Variants in AMPD2 observed in about 807,000 individuals in gnomAD.
AMPD2 encodes the protein adenosine monophosphate deaminase 2.
A neutral mutation model predicts 91.3 loss-of-function variants in AMPD2; 52 were observed. The ratio of observed to expected loss-of-function variants is 0.57; its 90% CI spans 0.46 to 0.72. The LOEUF (loss-of-function observed/expected upper bound fraction) is 0.72. Ranked by LOEUF, AMPD2 falls within the 30% of genes least tolerant of loss-of-function variation. AMPD2 has a pLI of 0.00. For synonymous variants in AMPD2, 455 were observed against 456.4 expected (o/e 1.00, Z 0.04); for missense variants, 822 against 1,122.3 (o/e 0.73, Z 3.82).
rs142999810 is a variant in AMPD2 at position 109,625,403 on chromosome 1, T to C, written c.192T>C (p.Ser64=). The C allele has an allele frequency of 6.2e-7, 1 of 1,613,834 alleles. No individual in the cohort carries two copies. Among genetic ancestry groups the C allele is most frequent in the African/African-American group, 1.3e-5 (1 of 74,908 alleles). ...LKHFPLDLRT[S]MDGKCKEIAE... is the part of the protein sequence containing the mutation. ...ACTTCCCGCTCGACCTGCGCACGTCTATGGATGGCAAATGCAAGGAGATCG... is the reference window on the plus strand; with the variant it reads ...ACTTCCCGCTCGACCTGCGCACGTCCATGGATGGCAAATGCAAGGAGATCG... The change falls in exon 3 of 19, where the codon TCT becomes TCC. Residue 64 remains serine (S), a synonymous_variant. Transcript: ENST00000528667. This position sits in a 1 kb window ranked among gnomAD's most constrained non-coding sequence, Gnocchi z 4.0.
Position 109,631,608 on chromosome 1 carries a change from G to A in AMPD2, c.*456G>A, listed in dbSNP as rs1651278817. ...CCTCTACACCTCTGCTGTGGGCACG[G>A]GGCTGCTGAGGGTCTGTGGAACTCC... On this transcript the variant is annotated 3_prime_UTR_variant, in exon 19 of 19. Coordinates refer to ENST00000528667, the MANE Select transcript of AMPD2 (RefSeq NM_001368809.2). The A allele has an allele frequency of 4.4e-6, 1 of 227,824 alleles. No individual in the cohort carries two copies. Among genetic ancestry groups the A allele is most frequent in the South Asian group, 5.8e-5 (1 of 17,276 alleles). The allele number at this position is 227,824 out of a possible 1,614,324, so 14.1% of individuals were successfully genotyped here. A position where few individuals can be genotyped will look rare whatever the true frequency, so the allele number is the denominator to read the frequency against.
intron 2 of AMPD2, 33 bp downstream of exon 2, chr1:109,621,299 G>T: frequency 6.2e-7 from 1 of 1,607,054 alleles, no homozygotes; most frequent in East Asian, 2.2e-5. Context: ...CAGGATAGAT[G>T]CTGGGCTCTG....
chr1:109,625,323 G>C lies in AMPD2; in HGVS notation c.112G>C (p.Ala38Pro). Residue 38 changes from alanine (A) to proline (P), a missense_variant, in exon 3 of 19, where the codon GCC becomes CCC. Coordinates refer to ENST00000528667, the MANE Select transcript of AMPD2 (RefSeq NM_001368809.2). This position sits in a 1 kb window ranked among gnomAD's most constrained non-coding sequence, Gnocchi z 4.0. Reference sequence around the variant, plus strand: ...TGCAGAGGCTCGGGGTGGTCTGGGGGCCCCTCCGCTGCAGTCTGCCCGATC... The same window carrying C: ...TGCAGAGGCTCGGGGTGGTCTGGGGCCCCCTCCGCTGCAGTCTGCCCGATC... ...AAPEARGGLG[A>P]PPLQSARSLP... 1 of 1,613,086 alleles carries C rather than the reference G, an allele frequency of 6.2e-7. No homozygotes were observed. The highest frequency in any genetic ancestry group is 8.5e-7 in the Non-Finnish European group (1 of 1,179,796).
chr1:109,620,648 G>GA, intron 1 of AMPD2: 2 of 1,203,960 alleles, frequency 1.7e-6, no homozygotes, highest in Non-Finnish European at 2.1e-6. Context: ...GATGTGGAAG[G>GA]AAAGTGGGTG....
At chr1:109,622,218 T>G (rs541939525) in intron 2 of AMPD2, 1 of 456,280 alleles carries the variant, frequency 2.2e-6, no homozygotes, top group Admixed American at 2.3e-5. Flanking sequence ...GTCCTGAGGG[T>G]GTTCTCTGTG....
rs1349754803 is a variant in AMPD2 at position 109,629,804 on chromosome 1, G to T, written c.1871G>T (p.Gly624Val). Residue 624 changes from glycine (G) to valine (V), a missense_variant, in exon 16 of 19, where the codon GGC becomes GTC. Physicochemically the swap from Gly to Val is moderately radical, Grantham distance 109. Coordinates refer to ENST00000528667, the MANE Select transcript of AMPD2 (RefSeq NM_001368809.2). ...GTCTTCATGTCCCCCAGGCAGAGGGGCTTCCACACGTTTGTGCTGAGGCCA... is the reference window on the plus strand; with the variant it reads ...GTCTTCATGTCCCCCAGGCAGAGGGTCTTCCACACGTTTGTGCTGAGGCCA... ...AMLNHLRRQR[G>V]FHTFVLRPHC... is the part of the protein sequence containing the mutation. 7.5e-6 allele frequency: 12 copies of T among 1,597,856 alleles called. No individual in the cohort carries two copies. The highest frequency in any genetic ancestry group is 1.0e-5 in the Non-Finnish European group (12 of 1,169,652).
rs1650128870 is a variant in AMPD2 at position 109,620,243 on chromosome 1, C to A, written c.-298C>A. On this transcript the variant is annotated 5_prime_UTR_variant, in exon 1 of 19. Coordinates refer to ENST00000528667, the MANE Select transcript of AMPD2 (RefSeq NM_001368809.2). ...TTCTGCTGTACAGACTTCTCGTGGG[C>A]AGCCTCCCCTCGGAACTCGGGCATC... 1 of 1,614,070 alleles carries A rather than the reference C, an allele frequency of 6.2e-7. No individual in the cohort carries two copies. Among genetic ancestry groups the A allele is most frequent in the Non-Finnish European group, 8.5e-7 (1 of 1,179,946 alleles).
Position 109,631,357 on chromosome 1 carries a change from C to G in AMPD2, c.*205C>G. On this transcript the variant is annotated 3_prime_UTR_variant, in exon 19 of 19. Coordinates refer to ENST00000528667, the MANE Select transcript of AMPD2 (RefSeq NM_001368809.2). Reference sequence around the variant, plus strand: ...TTGTTGTTTGGGCTCAGGTATTGAGCCTGATGGCCCAGGTATTGAGGGCCT... The same window carrying G: ...TTGTTGTTTGGGCTCAGGTATTGAGGCTGATGGCCCAGGTATTGAGGGCCT... The G allele has an allele frequency of 1.6e-6, 1 of 624,184 alleles. No individual in the cohort carries two copies. The highest frequency in any genetic ancestry group is 2.8e-5 in the East Asian group (1 of 35,948). 38.7% of individuals were successfully genotyped at this position (624,184 alleles called of 1,614,324 possible).
Position 109,625,870 on chromosome 1 carries a change from C to T in AMPD2, c.353+78C>T. On this transcript the variant is annotated intron_variant, in intron 4 of 18. Transcript: ENST00000528667. This position sits in a 1 kb window ranked among gnomAD's most constrained non-coding sequence, Gnocchi z 4.0. ...TCAGAGCCCCTTTTCTGCCTCTTTC[C>T]CTCGCACCCTGCCTTGGGGGGTCTG... 1 of 1,578,740 alleles carries T rather than the reference C, an allele frequency of 6.3e-7. No homozygotes were observed. The highest frequency in any genetic ancestry group is 1.2e-5 in the South Asian group (1 of 86,134).
intron 9 of AMPD2, 63 bp downstream of exon 9, chr1:109,627,581 T>C: frequency 2.5e-6 from 4 of 1,594,670 alleles, no homozygotes; most frequent in Non-Finnish European, 3.4e-6. Context: ...CAGCCCCAGT[T>C]CTGCCCCAGA....
At position 109,629,124 on chromosome 1, in the gene AMPD2, C is replaced by T. The variant is rs35337955; in HGVS notation, c.1587C>T (p.Thr529=). Residue 529 remains threonine, a synonymous_variant, in exon 14 of 19, where the codon ACC becomes ACT. Transcript: ENST00000528667. ...QVPRLFDVYR[T]KGQLANFQEM... Reference sequence around the variant, plus strand: ...TCACCTGCAGTGATGTGTACCGTACCAAGGGCCAGCTGGCCAACTTCCAGG... The same window carrying T: ...TCACCTGCAGTGATGTGTACCGTACTAAGGGCCAGCTGGCCAACTTCCAGG... 7 of 1,613,784 alleles carry T rather than the reference C, an allele frequency of 4.3e-6. No individual in the cohort carries two copies. In the South Asian group the frequency reaches 6.6e-5, roughly 15 times the overall value.
At chr1:109,630,440 G>T (rs368106791) in intron 17 of AMPD2, 34 bp downstream of exon 17, 10 of 1,374,226 alleles carry the variant, frequency 7.3e-6, no homozygotes, top group Non-Finnish European at 9.7e-6. Context: ...GCGGGCGGGC[G>T]TCCCAGGACG....
rs777443721 is a variant in AMPD2, at chr1:109,626,363, G to A, written c.467G>A (p.Arg156Gln). The change falls in exon 6 of 19, where the codon CGG becomes CAG. Residue 156 changes from arginine to glutamine, a missense_variant. Physicochemically the swap from Arg to Gln is conservative, Grantham distance 43. This residue lies in a region of AMPD2 where 240 missense variants were observed against 270.3 expected (regional missense o/e 0.89). Transcript: ENST00000528667. The stretch of plus-strand genomic sequence containing the variant: ...GAGGGGCAGGGTGACCGGAGCCTGC[G>A]GGAGCGTGATGTGCTGGAACGGGAG... Reference protein sequence around the residue: ...QGEGQGDRSLRERDVLEREFQ... With the variant: ...QGEGQGDRSLQERDVLEREFQ... 56 of 1,612,520 alleles carry A rather than the reference G, an allele frequency of 3.5e-5. No individual in the cohort carries two copies. The highest frequency in any genetic ancestry group is 4.6e-5 in the Non-Finnish European group (54 of 1,179,344).
At chr1:109,626,605 A>C in intron 6 of AMPD2, 121 bp from the exon 7 acceptor site, 2 of 1,398,434 alleles carry the variant, frequency 1.4e-6, no homozygotes, top group Non-Finnish European at 2.0e-6. Flanking sequence ...GGGTGATCTG[A>C]GTGTTCCTGG....
Position 109,630,268 on chromosome 1 carries a change from G to T in AMPD2, c.2019G>T (p.Gln673His). ...TGCAGTACCTGTACTACCTGGCCCAGATCGGCATCGCCATGTCTCCGCTCA... is the reference window on the plus strand; with the variant it reads ...TGCAGTACCTGTACTACCTGGCCCATATCGGCATCGCCATGTCTCCGCTCA... ...PVLQYLYYLA[Q>H]IGIAMSPLSN... is the part of the protein sequence containing the mutation. Residue 673 changes from glutamine to histidine, a missense_variant, in exon 17 of 19, where the codon CAG becomes CAT. Physicochemically the swap from Gln to His is conservative, Grantham distance 24 (BLOSUM62 0). Around this residue, in one of 5 missense-constraint regions of AMPD2, gnomAD observed 430 missense variants for 606.0 expected, o/e 0.71. Coordinates refer to ENST00000528667, the MANE Select transcript of AMPD2 (RefSeq NM_001368809.2). The T allele has an allele frequency of 1.2e-6, 2 of 1,613,702 alleles. No individual in the cohort carries two copies. The highest frequency in any genetic ancestry group is 1.7e-6 in the Non-Finnish European group (2 of 1,180,020).
Position 109,626,335 on chromosome 1 carries a change from G to C in AMPD2, c.439G>C (p.Gly147Arg), listed in dbSNP as rs1264840897. ...CCCCTGCAGGCTCTACAAGGAACAG[G>C]GTGAGGGGCAGGGTGACCGGAGCCT... ...DSDLQLYKEQ[G>R]EGQGDRSLRE... The change falls in exon 6 of 19, where the codon GGT (glycine) becomes CGT (arginine). Residue 147 changes from glycine to arginine, a missense_variant. Gly to Arg is a moderately radical substitution (Grantham distance 125). Coordinates refer to ENST00000528667, the MANE Select transcript of AMPD2 (RefSeq NM_001368809.2). 6.2e-7 allele frequency: 1 copy of C among 1,613,430 alleles called. No individual in the cohort carries two copies. Among genetic ancestry groups the C allele is most frequent in the Non-Finnish European group, 8.5e-7 (1 of 1,179,570 alleles).
chr1:109,630,581 G>C (rs1387231797), intron 17 of AMPD2, 102 bp from the exon 18 acceptor site: 3 of 949,030 alleles, frequency 3.2e-6, no homozygotes, highest in African/African-American at 1.8e-5. Flanking sequence ...GGGTTGGGGG[G>C]ATGGGGGGGC....
In AMPD2 at chr1:109,631,466, G is replaced by A. The variant is rs904834560; in HGVS notation, c.*314G>A. On this transcript the variant is annotated 3_prime_UTR_variant, in exon 19 of 19. Coordinates refer to ENST00000528667, the MANE Select transcript of AMPD2 (RefSeq NM_001368809.2). ...CCAGTGTCCACAGGGGCTTGGGATG[G>A]TTGTGGGGGGCTGGCCCCTCTAGCC... The A allele has an allele frequency of 6.5e-6, 3 of 462,088 alleles. No homozygotes were observed. The East Asian group carries it at 1.3e-4, about 20-fold the overall frequency. The allele number at this position is 462,088 out of a possible 1,614,324, so 28.6% of individuals were successfully genotyped here.
Position 109,630,361 on chromosome 1 carries a change from G to A in AMPD2, c.2112G>A (p.Met704Ile). ...CGGAGTACCTGTCCCGCGGCCTCAT[G>A]GTCTCCCTGTCCACTGATGATCCCT... ...PLPEYLSRGLMVSLSTDDPLQ... is the reference protein window; with the variant it reads ...PLPEYLSRGLIVSLSTDDPLQ... The change falls in exon 17 of 19, where the codon ATG becomes ATA. Residue 704 changes from methionine to isoleucine, a missense_variant. Around this residue, in one of 5 missense-constraint regions of AMPD2, gnomAD observed 430 missense variants for 606.0 expected, o/e 0.71. Coordinates refer to ENST00000528667, the MANE Select transcript of AMPD2 (RefSeq NM_001368809.2). 6.2e-7 allele frequency: 1 copy of A among 1,613,812 alleles called. No homozygotes were observed.
Sources: gnomAD v4.1 joint callset for allele counts on GRCh38, gnomAD v4.1.1 for gene constraint, gnomAD v4.1.1 regional missense constraint, Gnocchi (gnomAD v3.1) non-coding constraint, MANE v1.5 for transcripts, NCBI Gene and HGNC (gene_info 2026-07-23, HGNC 2026-07-21) for gene names.